UFD1: variants seen among roughly 807,000 people sequenced by gnomAD.
UFD1 encodes ubiquitin recognition factor in ER associated degradation 1.
A neutral mutation model predicts 45.9 loss-of-function variants in UFD1; 13 were observed. The ratio of observed to expected loss-of-function variants is 0.28; its 90% CI spans 0.18 to 0.45. The LOEUF is 0.45. Ranked by LOEUF, UFD1 falls within the 20% of genes least tolerant of loss-of-function variation. The probability of loss-of-function intolerance (pLI) is 1.00; values close to 1 mark genes in which losing one functional copy is unlikely to be tolerated. For synonymous variants in UFD1, 128 were observed against 139.2 expected (o/e 0.92, Z 0.56); for missense variants, 218 against 389.2 (o/e 0.56, Z 3.70).
chr22:19,456,791 C>A (rs2089726834), intron 8 of UFD1, 62 bp downstream of exon 8: 6 of 1,613,976 alleles, frequency 3.7e-6, no homozygotes, highest in Non-Finnish European at 5.1e-6. Flanking sequence ...CCACGAGCCA[C>A]TGCCAGGAAC....
chr22:19,456,847 A>G lies in UFD1; in HGVS notation c.630+6T>C. On this transcript the variant is annotated splice_donor_region_variant and intron_variant, in intron 8 of 11. Coordinates refer to ENST00000263202, the MANE Select transcript of UFD1 (RefSeq NM_005659.7). ...GACAGCAAAGGACACTGAGGATAAC[A>G]CTTACTGTCGACTCCTCATGCTGGA... 1 of 1,614,004 alleles carries G rather than the reference A, an allele frequency of 6.2e-7. No individual in the cohort carries two copies. The highest frequency in any genetic ancestry group is 8.5e-7 in the Non-Finnish European group (1 of 1,179,950).
intron 4 of UFD1, chr22:19,471,365 A>G (rs1336830807): frequency 1.7e-6 from 1 of 603,728 alleles, no homozygotes; most frequent in African/African-American, 1.8e-5. Context: ...TACTTACTAG[A>G]CCACCTAAAA....
chr22:19,454,232 C>G, intron 11 of UFD1: 1 of 993,428 alleles, frequency 1.0e-6, no homozygotes, highest in Non-Finnish European at 1.2e-6. Flanking sequence ...ACCAGCTCTA[C>G]AGAAAAAAAC....
chr22:19,454,876 A>G, intron 10 of UFD1, 46 bp from the exon 11 acceptor site: 2 of 1,585,060 alleles, frequency 1.3e-6, no homozygotes, highest in Non-Finnish European at 1.7e-6. Context: ...CCAGGAAAAA[A>G]GGACTAAAAT....
chr22:19,479,123 A>AATG lies in UFD1; in HGVS notation c.-41_-39dup. On this transcript the variant is annotated 5_prime_UTR_variant, in exon 1 of 12. Coordinates refer to ENST00000263202, the MANE Select transcript of UFD1 (RefSeq NM_005659.7). Reference sequence around the variant, plus strand: ...CTGGCAGACTCCGCTCCTCTCAGGCAATGCAACGAAGAAACCCCGCCGACC... The same window carrying AATG: ...CTGGCAGACTCCGCTCCTCTCAGGCAATGATGCAACGAAGAAACCCCGCCGACC... 6.2e-7 allele frequency: 1 copy of AATG among 1,607,240 alleles called. No individual in the cohort carries two copies.
chr22:19,462,394 G>A lies in UFD1; in HGVS notation c.495+2808C>T, dbSNP rs879571675. Among the ~76,000 whole-genome samples the A allele has an allele frequency of 2.6e-5, 4 of 152,144 alleles. No homozygotes were observed. In the East Asian group the frequency reaches 7.7e-4, roughly 29 times the overall value. On this transcript the variant is annotated intron_variant, in intron 6 of 11. Transcript: ENST00000263202. ...AAGAGAGTAAGTCTAGGCCAGGCGC[G>A]GTGGCTCACATCTATAATCCCAGCA...
intron 11 of UFD1, chr22:19,453,922 C>T (rs980240778): frequency 3.0e-6 from 3 of 985,426 alleles, no homozygotes; most frequent in African/African-American, 1.7e-5. Flanking sequence ...GGGTCTGAAG[C>T]GCTGGTGTTG....
intron 9 of UFD1, 50 bp from the exon 10 acceptor site, chr22:19,455,818 T>C (rs760744704): frequency 3.2e-6 from 5 of 1,549,842 alleles, no homozygotes; most frequent in Admixed American, 1.7e-5. Flanking sequence ...GTGAGGACGA[T>C]ATGTCCTTTG....
chr22:19,454,234 GA>G, intron 11 of UFD1: 1 of 994,124 alleles, frequency 1.0e-6, no homozygotes, highest in Non-Finnish European at 1.2e-6. Flanking sequence ...CAGCTCTACA[GA>G]AAAAAACAGG....
intron 2 of UFD1, 23 bp downstream of exon 2, chr22:19,475,447 T>A: frequency 1.2e-6 from 2 of 1,613,208 alleles, no homozygotes; most frequent in South Asian, 2.2e-5. Context: ...AAAGTTACTA[T>A]TCAAATAAAA....
intron 9 of UFD1, among the ~76,000 whole-genome samples, 163 bp from the exon 10 acceptor site, chr22:19,455,931 C>T (rs1003587589): frequency 6.6e-6 from 1 of 152,224 alleles, no homozygotes; most frequent in Non-Finnish European, 1.5e-5. Flanking sequence ...GCTAAGAACT[C>T]TGCCCAGTTC....
At chr22:19,463,459 T>C (rs761445330) in intron 6 of UFD1, among the ~76,000 whole-genome samples, 1 of 152,254 alleles carries the variant, frequency 6.6e-6, no homozygotes, top group Non-Finnish European at 1.5e-5. Flanking sequence ...ATCTAGAAAT[T>C]CTAATGCTGA....
chr22:19,472,380 C>T (rs748050547), intron 3 of UFD1, among the ~76,000 whole-genome samples: 45 of 152,198 alleles, frequency 3.0e-4, no homozygotes, highest in South Asian at 1.5e-3. Flanking sequence ...GACAGGTGTG[C>T]GAGTGGTTGG....
At chr22:19,452,491 C>T (rs2089690814) in intron 11 of UFD1, 1 of 152,140 alleles carries the variant, frequency 6.6e-6, no homozygotes, top group African/African-American at 2.4e-5. Context: ...GTATATTGCT[C>T]CACTATCTTC....
In UFD1 at chr22:19,450,676, C is replaced by A; in HGVS notation, c.918G>T (p.Lys306Asn). 6.2e-7 allele frequency: 1 copy of A among 1,614,166 alleles called. No individual in the cohort carries two copies. Residue 306 changes from lysine (K) to asparagine (N), a missense_variant, in exon 12 of 12, where the codon AAG (lysine) becomes AAT (asparagine). Around this residue, in one of 2 missense-constraint regions of UFD1, gnomAD observed 69 missense variants for 81.7 expected, o/e 0.84. Coordinates refer to ENST00000263202, the MANE Select transcript of UFD1 (RefSeq NM_005659.7). Reference protein sequence around the residue: ...EGQSLRKKGRKP With the variant: ...EGQSLRKKGRNP ...ATCAGCCAACAGTCCTCACTTAGGG[C>A]TTTCTTCCCTTTTTACGCAATGACT...
Position 19,475,511 on chromosome 22 carries a change from G to A in UFD1, c.95C>T (p.Ala32Val). The A allele has an allele frequency of 6.2e-7, 1 of 1,614,120 alleles. No individual in the cohort carries two copies. The highest frequency in any genetic ancestry group is 1.1e-5 in the South Asian group (1 of 91,078). Residue 32 changes from alanine (A) to valine (V), a missense_variant, in exon 2 of 12, where the codon GCA (alanine) becomes GTA (valine). Physicochemically the swap from Ala to Val is moderately conservative, Grantham distance 64. Coordinates refer to ENST00000263202, the MANE Select transcript of UFD1 (RefSeq NM_005659.7). ...QYRCFSVSML[A>V]GPNDRSDVEK... ...CACATCTGACCTGTCATTAGGCCCT[G>A]CTAGCATGGACACAGAGAAGCAGCG...
At chr22:19,452,057 A>T in intron 11 of UFD1, 2 of 543,102 alleles carry the variant, frequency 3.7e-6, no homozygotes, top group Non-Finnish European at 4.7e-6. Flanking sequence ...CTAATCTCAT[A>T]TTTCATTGAT....
chr22:19,470,441 ATTG>A lies in UFD1; in HGVS notation c.291+1243_291+1245del, dbSNP rs576903395. ...GACCTTCAGAATTTTGATTCATATT[ATTG>A]TTGTTTTTTTTTTTTGAGATGGAGT... is the stretch of plus-strand genomic sequence containing the variant. On this transcript the variant is annotated intron_variant, in intron 4 of 11. Coordinates refer to ENST00000263202, the MANE Select transcript of UFD1 (RefSeq NM_005659.7). Among the ~76,000 whole-genome samples the A allele has an allele frequency of 1.2e-3, 160 of 134,234 alleles. 2 individuals are homozygous for A. Among genetic ancestry groups the A allele is most frequent in the African/African-American group, 3.8e-3 (154 of 40,722 alleles). 88.1% of individuals were successfully genotyped at this position (134,234 alleles called of 152,430 possible).
At chr22:19,472,709 A>G (rs1342480197) in intron 3 of UFD1, among the ~76,000 whole-genome samples, 1 of 152,198 alleles carries the variant, frequency 6.6e-6, no homozygotes, top group African/African-American at 2.4e-5. Context: ...TTCCCAGAAC[A>G]GTCAGGTAGG....
Sources: gnomAD v4.1 joint callset for allele counts (sites outside exome capture counted in the v4.1 genomes callset) on GRCh38, gnomAD v4.1.1 for gene constraint, gnomAD v4.1.1 regional missense constraint, MANE v1.5 for transcripts, NCBI Gene and HGNC (gene_info 2026-07-23, HGNC 2026-07-21) for gene names.